ROR1: variants seen among roughly 807,000 people sequenced by gnomAD.
ROR1 encodes ROR family WNT receptor 1.
In ROR1, 19 loss-of-function variants were observed where a neutral mutation model predicts 78.8. That is an observed-to-expected ratio of 0.24 (90% CI 0.17 to 0.35). ROR1 has a LOEUF of 0.35. Among genes scored for constraint, ROR1 ranks in the 10% least tolerant of loss-of-function variants. The pLI is 1.00. For synonymous variants in ROR1, 386 were observed against 433.6 expected (o/e 0.89, Z 1.36); for missense variants, 917 against 1,177.8 (o/e 0.78, Z 3.24).
intron 2 of ROR1, among the ~76,000 whole-genome samples, chr1:64,024,830 G>A (rs1646595528): frequency 6.6e-6 from 1 of 152,064 alleles, no homozygotes; most frequent in South Asian, 2.1e-4. Context: ...GTATGTCATT[G>A]TTATTTTAAA....
At chr1:63,825,671 A>T (rs922168271) in intron 1 of ROR1, among the ~76,000 whole-genome samples, 4 of 152,236 alleles carry the variant, frequency 2.6e-5, no homozygotes, top group African/African-American at 9.6e-5. Flanking sequence ...TGTGAATTAT[A>T]CCTAAATATA....
At chr1:64,092,156 CCTT>C (rs1246652889) in intron 4 of ROR1, among the ~76,000 whole-genome samples, 1 of 143,634 alleles carries the variant, frequency 7.0e-6, no homozygotes, top group Non-Finnish European at 1.5e-5. Context: ...TCCCTTCCTC[CCTT>C]CTTCCATTCC....
intron 1 of ROR1, among the ~76,000 whole-genome samples, chr1:63,919,106 G>A (rs921506456): frequency 6.6e-6 from 1 of 152,076 alleles, no homozygotes; most frequent in Non-Finnish European, 1.5e-5. Context: ...TTGAAATGAT[G>A]GTTCAATGCA....
At chr1:63,834,798 G>A (rs114462251) in intron 1 of ROR1, among the ~76,000 whole-genome samples, 2,539 of 152,214 alleles carry the variant, frequency 0.017, 31 homozygotes, top group Non-Finnish European at 0.027. Context: ...TGGGCCCAAG[G>A]CATGTCGTTG....
intron 1 of ROR1, among the ~76,000 whole-genome samples, chr1:63,886,825 G>A (rs531628425): frequency 6.6e-6 from 1 of 152,234 alleles, no homozygotes; most frequent in South Asian, 2.1e-4. Flanking sequence ...AATCAGAACC[G>A]TCAGCTCACC....
rs1470919646 is a variant in ROR1 at position 64,178,999 on chromosome 1, A to G, written c.*144A>G. The G allele has an allele frequency of 2.2e-6, 1 of 454,646 alleles. No homozygotes were observed. The highest frequency in any genetic ancestry group is 3.8e-6 in the Non-Finnish European group (1 of 261,044). 28.2% of individuals were successfully genotyped at this position (454,646 alleles called of 1,614,324 possible). A position where few individuals can be genotyped will look rare whatever the true frequency, so the allele number is the denominator to read the frequency against. Reference sequence around the variant, plus strand: ...CTTCTGTGAAGTTTCACTGTGTCTTACCAAGCAGGACAGACACTCGGCCAG... The same window carrying G: ...CTTCTGTGAAGTTTCACTGTGTCTTGCCAAGCAGGACAGACACTCGGCCAG... On this transcript the variant is annotated 3_prime_UTR_variant, in exon 9 of 9. Transcript: ENST00000371079. This position sits in a 1 kb window ranked among gnomAD's most constrained non-coding sequence, Gnocchi z 4.3.
chr1:64,058,735 G>T (rs945694104), intron 4 of ROR1, among the ~76,000 whole-genome samples: 2 of 151,806 alleles, frequency 1.3e-5, no homozygotes, highest in Non-Finnish European at 2.9e-5. Flanking sequence ...GATTCAGCTT[G>T]CTGGTATTTT....
intron 4 of ROR1, among the ~76,000 whole-genome samples, chr1:64,085,641 A>G (rs1280503783): frequency 6.6e-6 from 1 of 152,202 alleles, no homozygotes; most frequent in Non-Finnish European, 1.5e-5. Flanking sequence ...AGGACTAAAG[A>G]TAATATAGTT....
chr1:63,944,332 G>C (rs910986753), intron 1 of ROR1, among the ~76,000 whole-genome samples: 1 of 152,166 alleles, frequency 6.6e-6, no homozygotes, highest in East Asian at 1.9e-4. Flanking sequence ...AAAAAAGGAA[G>C]AAGAAAAAAA....
intron 1 of ROR1, among the ~76,000 whole-genome samples, chr1:63,986,077 G>T (rs1471477456): frequency 2.0e-5 from 3 of 152,102 alleles, no homozygotes; most frequent in Non-Finnish European, 4.4e-5. Context: ...GATACTGAAA[G>T]TCTAGATGGA....
intron 1 of ROR1, among the ~76,000 whole-genome samples, chr1:63,995,004 G>A (rs285365): frequency 0.66 from 100,341 of 152,132 alleles, 37,609 homozygotes; most frequent in East Asian, 0.94. Flanking sequence ...AAATCCAAAG[G>A]TGGTCTTGCA....
rs184001297 is a variant in ROR1, at chr1:63,915,789, G to A, written c.92-93516G>A. ...GGGTGGGGTGGATGCATGTGAAGCC[G>A]GGGGGGTGTGCTACAATTGGCACTT... On this transcript the variant is annotated intron_variant, in intron 1 of 8. Transcript: ENST00000371079. Among the ~76,000 whole-genome samples the A allele has an allele frequency of 4.5e-3, 688 of 152,118 alleles. 5 individuals are homozygous for A. Among genetic ancestry groups the A allele is most frequent in the African/African-American group, 0.016 (662 of 41,498 alleles).
At chr1:63,999,681 A>G (rs538128120) in intron 1 of ROR1, among the ~76,000 whole-genome samples, 135 of 152,340 alleles carry the variant, frequency 8.9e-4, no homozygotes, top group Middle Eastern at 3.4e-3. Flanking sequence ...TGCTCAATAA[A>G]TATTTGTTAG....
intron 4 of ROR1, among the ~76,000 whole-genome samples, chr1:64,091,597 G>C (rs1055819993): frequency 2.0e-5 from 3 of 152,032 alleles, no homozygotes; most frequent in Non-Finnish European, 4.4e-5. Context: ...CTGAGCCATG[G>C]GAATACTTCT....
Position 64,177,822 on chromosome 1 carries a change from A to C in ROR1, c.1781A>C (p.His594Pro). 1 of 1,614,222 alleles carries C rather than the reference A, an allele frequency of 6.2e-7. No homozygotes were observed. Among genetic ancestry groups the C allele is most frequent in the Non-Finnish European group, 8.5e-7 (1 of 1,180,032 alleles). The part of the protein sequence containing the change: ...KSSLDHGDFL[H>P]IAIQIAAGME... ...AGCCTGGACCACGGAGATTTTCTGC[A>C]CATTGCAATTCAGATTGCAGCTGGC... Residue 594 changes from histidine (H) to proline (P), a missense_variant, in exon 9 of 9, where the codon CAC becomes CCC. By Grantham distance (77) the His-to-Pro change is moderately conservative. Coordinates refer to ENST00000371079, the MANE Select transcript of ROR1 (RefSeq NM_005012.4).
At chr1:63,886,647 G>A (rs1302843197) in intron 1 of ROR1, among the ~76,000 whole-genome samples, 1 of 152,178 alleles carries the variant, frequency 6.6e-6, no homozygotes. Context: ...CCTTCAGAAT[G>A]TTGAAGGTTG....
intron 1 of ROR1, among the ~76,000 whole-genome samples, chr1:63,854,061 A>G (rs1460377540): frequency 6.6e-6 from 1 of 152,214 alleles, no homozygotes; most frequent in Non-Finnish European, 1.5e-5. Flanking sequence ...CTCTGTGATA[A>G]TGAATGTTCC....
At chr1:64,085,760 G>T (rs1012583529) in intron 4 of ROR1, among the ~76,000 whole-genome samples, 1 of 151,994 alleles carries the variant, frequency 6.6e-6, no homozygotes, top group Non-Finnish European at 1.5e-5. Flanking sequence ...TCTATAAGGT[G>T]CTAAATTATT....
intron 4 of ROR1, among the ~76,000 whole-genome samples, chr1:64,116,471 A>AT (rs1355645375): frequency 6.6e-6 from 1 of 152,184 alleles, no homozygotes; most frequent in Non-Finnish European, 1.5e-5. Flanking sequence ...TTAAATGAGT[A>AT]TTACCTCAAA....
Sources: allele counts gnomAD v4.1 joint callset (sites outside exome capture counted in the v4.1 genomes callset), GRCh38; gene constraint gnomAD v4.1.1; non-coding constraint Gnocchi (gnomAD v3.1); transcripts MANE v1.5; gene names NCBI Gene and HGNC (gene_info 2026-07-23, HGNC 2026-07-21).